Variants in CRK observed in about 807,000 individuals in gnomAD.
CRK encodes adapter molecule crk.
Under a neutral mutation model 29.8 loss-of-function variants are expected in CRK, and 4 were observed. That is an observed-to-expected ratio of 0.13 (90% confidence interval 0.07 to 0.31). The LOEUF (loss-of-function observed/expected upper bound fraction) is 0.31. Among genes scored for constraint, CRK ranks in the 10% least tolerant of loss-of-function variants. The probability of loss-of-function intolerance (pLI) is 1.00; values close to 1 mark genes in which losing one functional copy is unlikely to be tolerated. For synonymous variants in CRK, 153 were observed against 164.9 expected, an observed-to-expected ratio of 0.93 and a Z score of 0.55; for missense variants, 274 against 396.5, an observed-to-expected ratio of 0.69 and a Z score of 2.62.
At chr17:1,429,958 GA>G (rs2073822302) in intron 2 of CRK, among the ~76,000 whole-genome samples, 1 of 150,148 alleles carries the variant, frequency 6.7e-6, no homozygotes, top group Non-Finnish European at 1.5e-5. Flanking sequence ...CCAAAAACAC[GA>G]ATCTTTTCTT....
intron 2 of CRK, among the ~76,000 whole-genome samples, chr17:1,429,180 C>A (rs2150901166): frequency 6.6e-6 from 1 of 152,042 alleles, no homozygotes; most frequent in East Asian, 1.9e-4. Flanking sequence ...CAGAGGAAAA[C>A]CATGCCAAAA....
intron 1 of CRK, 96 bp downstream of exon 1, chr17:1,455,781 G>A: frequency 2.2e-6 from 3 of 1,370,606 alleles, no homozygotes; most frequent in South Asian, 1.7e-5. Context: ...CTCTGCCCAC[G>A]ACCCCCGAGG....
intron 1 of CRK, among the ~76,000 whole-genome samples, chr17:1,450,335 C>CA (rs542438577): frequency 6.6e-6 from 1 of 151,844 alleles, no homozygotes; most frequent in Non-Finnish European, 1.5e-5. Context: ...GGTGAAACAC[C>CA]TCTCTACTAA....
Position 1,436,953 on chromosome 17 carries a change from C to T in CRK, c.444G>A (p.Glu148=), listed in dbSNP as rs142765515. The part of the protein sequence containing the change: ...RALFDFNGND[E]EDLPFKKGDI... ...CTCCTTTCTTAAAGGGAAGATCTTC[C>T]TCATCATTCCCATTAAAGTCAAAGA... Residue 148 remains glutamate, a synonymous_variant, in exon 2 of 3, where the codon GAG becomes GAA. Coordinates refer to ENST00000300574, the MANE Select transcript of CRK (RefSeq NM_016823.4). 4 of 1,614,092 alleles carry T rather than the reference C, an allele frequency of 2.5e-6. No individual in the cohort carries two copies. The highest frequency in any genetic ancestry group is 1.7e-5 in the Admixed American group (1 of 59,984).
intron 1 of CRK, among the ~76,000 whole-genome samples, chr17:1,450,638 T>G (rs1351768536): frequency 6.6e-6 from 1 of 152,112 alleles, no homozygotes; most frequent in Non-Finnish European, 1.5e-5. Context: ...ATCCCAGCAC[T>G]TTGGGGAAGC....
At chr17:1,450,256 C>T (rs577640416) in intron 1 of CRK, among the ~76,000 whole-genome samples, 71 of 152,242 alleles carry the variant, frequency 4.7e-4, no homozygotes, top group African/African-American at 1.6e-3. Flanking sequence ...GGCCTGTAAT[C>T]CCAGCACTTT....
At chr17:1,432,468 C>A (rs1333048957) in intron 2 of CRK, among the ~76,000 whole-genome samples, 1 of 111,316 alleles carries the variant, frequency 9.0e-6, no homozygotes, top group African/African-American at 3.6e-5. Flanking sequence ...CAGAGTGAGA[C>A]CTTGTCTTAA....
chr17:1,440,345 T>C (rs1212114361), intron 1 of CRK, among the ~76,000 whole-genome samples: 2 of 150,722 alleles, frequency 1.3e-5, no homozygotes, highest in African/African-American at 2.5e-5. Flanking sequence ...ATGCCTGCAG[T>C]TGCAGCTACT....
intron 1 of CRK, among the ~76,000 whole-genome samples, chr17:1,440,426 G>A (rs541234778): frequency 1.3e-5 from 2 of 151,954 alleles, no homozygotes; most frequent in Admixed American, 6.6e-5. Flanking sequence ...TCGTGTCAAC[G>A]CACTCCAGCC....
At chr17:1,432,537 G>A (rs1303029989) in intron 2 of CRK, among the ~76,000 whole-genome samples, 3 of 150,262 alleles carry the variant, frequency 2.0e-5, no homozygotes, top group Non-Finnish European at 4.4e-5. Context: ...CAGCACTTTG[G>A]GAGGCGAAGG....
In CRK at chr17:1,437,575, C is replaced by T. The variant is rs141967962; in HGVS notation, c.242-420G>A. On this transcript the variant is annotated intron_variant, in intron 1 of 2. Coordinates refer to ENST00000300574, the MANE Select transcript of CRK (RefSeq NM_016823.4). ...ACGTGCTCTCATACTTGATCAACGA[C>T]GGGGGCTTTCACTGCATTCTCCAAA... Among the ~76,000 whole-genome samples the T allele has an allele frequency of 1.8e-4, 28 of 152,018 alleles. No individual in the cohort carries two copies. In the East Asian group the frequency reaches 3.9e-3, roughly 21 times the overall value.
In CRK at chr17:1,423,568, G is replaced by A; in HGVS notation, c.860C>T (p.Pro287Leu). ...ATCCAGCAGACGGACATGTGTGAAT[G>A]GGAAGTGACCTCGTTTGCCATTACA... Reference protein sequence around the residue: ...GECNGKRGHFPFTHVRLLDQQ... With the variant: ...GECNGKRGHFLFTHVRLLDQQ... Residue 287 changes from proline to leucine, a missense_variant, in exon 3 of 3, where the codon CCA becomes CTA. By Grantham distance (98) the Pro-to-Leu change is moderately conservative. Coordinates refer to ENST00000300574, the MANE Select transcript of CRK (RefSeq NM_016823.4). The A allele has an allele frequency of 6.2e-7, 1 of 1,614,034 alleles. No homozygotes were observed. Among genetic ancestry groups the A allele is most frequent in the Non-Finnish European group, 8.5e-7 (1 of 1,180,008 alleles).
intron 2 of CRK, among the ~76,000 whole-genome samples, chr17:1,431,083 C>CAAACA (rs1384883806): frequency 6.6e-6 from 1 of 151,826 alleles, no homozygotes; most frequent in Non-Finnish European, 1.5e-5. Context: ...AACAAACAAA[C>CAAACA]AAACAAACAA....
intron 1 of CRK, among the ~76,000 whole-genome samples, chr17:1,450,011 C>T (rs1352968065): frequency 6.6e-6 from 1 of 151,726 alleles, no homozygotes; most frequent in Non-Finnish European, 1.5e-5. Flanking sequence ...CCAGCCTGGC[C>T]AACATGGTGA....
intron 1 of CRK, among the ~76,000 whole-genome samples, chr17:1,454,932 G>C (rs2074044759): frequency 6.6e-6 from 1 of 152,180 alleles, no homozygotes; most frequent in African/African-American, 2.4e-5. Flanking sequence ...GGTAATTTAT[G>C]TTCTTGGCGT....
Position 1,423,249 on chromosome 17 carries a change from C to T in CRK, c.*264G>A. ...GCCTGAGAGAAAGGAGGCAAGATAC[C>T]TATCCCTTCTGATACACACAGGCAC... On this transcript the variant is annotated 3_prime_UTR_variant, in exon 3 of 3. Coordinates refer to ENST00000300574, the MANE Select transcript of CRK (RefSeq NM_016823.4). 1 of 528,704 alleles carries T rather than the reference C, an allele frequency of 1.9e-6. No individual in the cohort carries two copies. Among genetic ancestry groups the T allele is most frequent in the Admixed American group, 3.6e-5 (1 of 28,080 alleles). 32.8% of individuals were successfully genotyped at this position (528,704 alleles called of 1,614,324 possible). A position where few individuals can be genotyped will look rare whatever the true frequency, so the allele number is the denominator to read the frequency against.
At chr17:1,446,080 G>C (rs903662614) in intron 1 of CRK, among the ~76,000 whole-genome samples, 2 of 152,116 alleles carry the variant, frequency 1.3e-5, no homozygotes, top group African/African-American at 4.8e-5. Flanking sequence ...ATCTTAATAA[G>C]CCTAACTCTG....
intron 1 of CRK, among the ~76,000 whole-genome samples, chr17:1,439,661 C>A (rs542382614): frequency 6.6e-6 from 1 of 151,858 alleles, no homozygotes; most frequent in South Asian, 2.1e-4. Flanking sequence ...CCAACCCGGG[C>A]AACATGGCTG....
intron 1 of CRK, among the ~76,000 whole-genome samples, chr17:1,441,103 T>C (rs924536709): frequency 6.6e-6 from 1 of 151,890 alleles, no homozygotes; most frequent in East Asian, 2.0e-4. Flanking sequence ...GCCCAACTAA[T>C]TTTTTGTAGT....
Sources: gnomAD v4.1 joint callset for allele counts (sites outside exome capture counted in the v4.1 genomes callset) on GRCh38, gnomAD v4.1.1 for gene constraint, MANE v1.5 for transcripts, NCBI Gene and HGNC (gene_info 2026-07-23, HGNC 2026-07-21) for gene names.